MYH11: variants seen among roughly 807,000 people sequenced by gnomAD.
The protein encoded by MYH11 is myosin-11.
Under a neutral mutation model 246.6 loss-of-function variants are expected in MYH11, and 80 were observed. The ratio of observed to expected loss-of-function variants is 0.32; its 90% CI spans 0.27 to 0.39. MYH11 has a LOEUF of 0.39. Among genes scored for constraint, MYH11 ranks in the 10% least tolerant of loss-of-function variants. The probability of loss-of-function intolerance (pLI) is 1.00; values close to 1 mark genes in which losing one functional copy is unlikely to be tolerated. For synonymous variants in MYH11, 1,071 were observed against 1,015.5 expected, an observed-to-expected ratio of 1.05 and a Z score of -1.04; for missense variants, 2,158 against 2,546.8, an observed-to-expected ratio of 0.85 and a Z score of 3.29.
intron 20 of MYH11, among the ~76,000 whole-genome samples, chr16:15,744,440 G>A (rs1033456336): frequency 1.3e-5 from 2 of 151,558 alleles, no homozygotes; most frequent in African/African-American, 2.4e-5. Flanking sequence ...TGATCCACCC[G>A]CCTCGGCCTC....
At chr16:15,831,448 T>C (rs2043733433) in intron 2 of MYH11, among the ~76,000 whole-genome samples, 1 of 144,600 alleles carries the variant, frequency 6.9e-6, no homozygotes, top group Non-Finnish European at 1.5e-5. Flanking sequence ...AAGGAGTGAC[T>C]TTTTCTTATG....
chr16:15,716,181 C>A (rs1160121402), intron 38 of MYH11, among the ~76,000 whole-genome samples: 2 of 152,148 alleles, frequency 1.3e-5, no homozygotes, highest in African/African-American at 4.8e-5. Flanking sequence ...CTCCCACCTA[C>A]CTCAGCCTCC....
chr16:15,838,217 C>A lies in MYH11; in HGVS notation c.36G>T (p.Lys12Asn), dbSNP rs2043957693. Residue 12 changes from lysine (K) to asparagine (N), a missense_variant, in exon 2 of 41, where the codon AAG (lysine) becomes AAT (asparagine). Around this residue, in one of 11 missense-constraint regions of MYH11, gnomAD observed 96 missense variants for 91.9 expected, o/e 1.04. Coordinates refer to ENST00000300036, the MANE Select transcript of MYH11 (RefSeq NM_002474.3). ...TGAAGTTTTTGTCCACAAAGAGGAA[C>A]TTCTCATCGTCACTGAGTTGGCCCT... Reference protein sequence around the residue: ...AQKGQLSDDEKFLFVDKNFIN... With the variant: ...AQKGQLSDDENFLFVDKNFIN... The A allele has an allele frequency of 6.2e-7, 1 of 1,614,120 alleles. No homozygotes were observed. The highest frequency in any genetic ancestry group is 8.5e-7 in the Non-Finnish European group (1 of 1,180,022).
chr16:15,757,278 TC>T (rs758234348), intron 13 of MYH11, among the ~76,000 whole-genome samples: 4 of 150,682 alleles, frequency 2.7e-5, no homozygotes, highest in Non-Finnish European at 5.9e-5. Context: ...CACCTCAGCC[TC>T]CCAAATAGCT....
At chr16:15,737,938 G>A (rs1339673986) in intron 24 of MYH11, among the ~76,000 whole-genome samples, 2 of 151,982 alleles carry the variant, frequency 1.3e-5, no homozygotes, top group East Asian at 1.9e-4. Flanking sequence ...GATTACAGGC[G>A]CCCGCCACCA....
intron 26 of MYH11, 35 bp downstream of exon 26, chr16:15,735,331 G>C (rs1385121836): frequency 6.2e-7 from 1 of 1,608,836 alleles, no homozygotes; most frequent in Non-Finnish European, 8.5e-7. Flanking sequence ...TGGTGCAGTG[G>C]GATAGCAGGA....
intron 2 of MYH11, among the ~76,000 whole-genome samples, chr16:15,834,526 C>CAA (rs1242104484): frequency 8.3e-4 from 92 of 110,472 alleles, no homozygotes; most frequent in African/African-American, 2.9e-3. Flanking sequence ...AATTCCATCT[C>CAA]AAAAAAAAAA....
At chr16:15,829,254 A>C (rs1046277186) in intron 2 of MYH11, among the ~76,000 whole-genome samples, 3 of 152,086 alleles carry the variant, frequency 2.0e-5, no homozygotes, top group African/African-American at 7.2e-5. Flanking sequence ...CAACTCCATC[A>C]CTAGCTTCTG....
chr16:15,719,406 C>T (rs2040347319), intron 35 of MYH11, 98 bp from the exon 36 acceptor site: 12 of 1,494,510 alleles, frequency 8.0e-6, no homozygotes, highest in Non-Finnish European at 1.0e-5. Context: ...AGTACATGTT[C>T]TTCCTCTGAG....
chr16:15,827,957 T>G (rs1363868253), intron 2 of MYH11, among the ~76,000 whole-genome samples: 1 of 152,168 alleles, frequency 6.6e-6, no homozygotes, highest in Non-Finnish European at 1.5e-5. Flanking sequence ...CTCGACTCCA[T>G]CTCCAGCTCC....
chr16:15,856,618 T>TA (rs1491211682), intron 1 of MYH11, among the ~76,000 whole-genome samples: 1 of 73,338 alleles, frequency 1.4e-5, no homozygotes, highest in Non-Finnish European at 3.1e-5. Flanking sequence ...TCGGGACTAA[T>TA]TTTTTTTTTT....
chr16:15,707,570 C>G (rs749889807), intron 40 of MYH11, among the ~76,000 whole-genome samples: 11 of 152,180 alleles, frequency 7.2e-5, no homozygotes, highest in Non-Finnish European at 1.5e-5. Context: ...CCTCACCCTG[C>G]GCTTTAAGTA....
At chr16:15,840,365 C>T (rs59994871) in intron 1 of MYH11, among the ~76,000 whole-genome samples, 4,778 of 152,190 alleles carry the variant, frequency 0.031, 274 homozygotes, top group African/African-American at 0.11. Flanking sequence ...AAAGTAATGG[C>T]AAATGCTTGA....
At chr16:15,780,994 T>G (rs934572863) in intron 6 of MYH11, among the ~76,000 whole-genome samples, 1 of 152,214 alleles carries the variant, frequency 6.6e-6, no homozygotes, top group Non-Finnish European at 1.5e-5. Flanking sequence ...TCGCCGTGGA[T>G]AGACCTAAGT....
At chr16:15,854,682 G>A (rs9932695) in intron 1 of MYH11, among the ~76,000 whole-genome samples, 28,791 of 152,064 alleles carry the variant, frequency 0.19, 3,347 homozygotes, top group East Asian at 0.43. Context: ...TTTGCTTATG[G>A]CCTTCTATGA....
At chr16:15,833,854 C>T (rs1403989445) in intron 2 of MYH11, among the ~76,000 whole-genome samples, 1 of 152,156 alleles carries the variant, frequency 6.6e-6, no homozygotes, top group Non-Finnish European at 1.5e-5. Context: ...CCACCCCAAC[C>T]CCTTTCCTTC....
intron 25 of MYH11, 122 bp from the exon 26 acceptor site, chr16:15,735,700 C>T: frequency 1.1e-6 from 1 of 902,572 alleles, no homozygotes; most frequent in East Asian, 2.6e-5. Flanking sequence ...CACCTTCTAT[C>T]CATGTCCCCA....
intron 26 of MYH11, among the ~76,000 whole-genome samples, chr16:15,734,007 C>T (rs2041043755): frequency 6.6e-6 from 1 of 152,166 alleles, no homozygotes; most frequent in African/African-American, 2.4e-5. Context: ...CATGCTATGC[C>T]AACACCACAG....
At chr16:15,795,229 G>T (rs997376603) in intron 4 of MYH11, among the ~76,000 whole-genome samples, 1 of 151,998 alleles carries the variant, frequency 6.6e-6, no homozygotes, top group African/African-American at 2.4e-5. Context: ...GGAGGCGGGG[G>T]TTGCAGTGAG....
Sources: gnomAD v4.1 joint callset for allele counts (sites outside exome capture counted in the v4.1 genomes callset) on GRCh38, gnomAD v4.1.1 for gene constraint, gnomAD v4.1.1 regional missense constraint, MANE v1.5 for transcripts, NCBI Gene and HGNC (gene_info 2026-07-23, HGNC 2026-07-21) for gene names.